The following SPAST variants were observed in gnomAD, a reference collection of about 807,000 sequenced individuals.
The protein encoded by SPAST is spastin, also known as spastic paraplegia 4 (autosomal dominant; spastin).
A neutral mutation model predicts 76.6 loss-of-function variants in SPAST; 30 were observed. The observed-to-expected ratio is 0.39, with a 90% CI of 0.29 to 0.53. The LOEUF is 0.53. Ranked by LOEUF, SPAST falls within the 20% of genes least tolerant of loss-of-function variation. The probability of loss-of-function intolerance (pLI) is 0.68; values close to 1 mark genes in which losing one functional copy is unlikely to be tolerated. For missense variants in SPAST, 717 were observed against 770.5 expected (o/e 0.93, Z 0.82); for synonymous variants, 305 against 281.0 (o/e 1.09, Z -0.86).
At chr2:32,145,923 T>C (rs1679871587) in intron 15 of SPAST, among the ~76,000 whole-genome samples, 1 of 152,254 alleles carries the variant, frequency 6.6e-6, no homozygotes, top group African/African-American at 2.4e-5. Context: ...AATGTAGTTG[T>C]ACGAGAAAGA....
Sources: gnomAD v4.1 joint callset for allele counts (sites outside exome capture counted in the v4.1 genomes callset) on GRCh38, gnomAD v4.1.1 for gene constraint, MANE v1.5 for transcripts, NCBI Gene and HGNC (gene_info 2026-07-23, HGNC 2026-07-21) for gene names.